The following RNF38 variants were observed in gnomAD, a reference collection of about 807,000 sequenced individuals.
The protein encoded by RNF38 is E3 ubiquitin-protein ligase RNF38.
RNF38 carries 15 observed loss-of-function variants against 67.2 expected under a neutral mutation model. The ratio of observed to expected loss-of-function variants is 0.22; its 90% CI spans 0.15 to 0.34. The LOEUF is 0.34. RNF38 is among the 10% of genes least tolerant of loss of function. The pLI is 1.00. For synonymous variants in RNF38, 220 were observed against 218.8 expected (o/e 1.01, Z -0.05); for missense variants, 524 against 639.9 (o/e 0.82, Z 1.95).
intron 1 of RNF38, among the ~76,000 whole-genome samples, chr9:36,458,778 A>T (rs1839653909): frequency 6.6e-6 from 1 of 152,206 alleles, no homozygotes; most frequent in Admixed American, 6.5e-5. Flanking sequence ...GAAGGAATAA[A>T]TTCCAGACAC....
At chr9:36,407,490 G>C (rs1838210878) in intron 2 of RNF38, among the ~76,000 whole-genome samples, 1 of 152,210 alleles carries the variant, frequency 6.6e-6, no homozygotes, top group South Asian at 2.1e-4. Context: ...GCCTAGGACA[G>C]CCAAGTCAGA....
intron 1 of RNF38, among the ~76,000 whole-genome samples, chr9:36,446,560 A>G (rs565734528): frequency 1.3e-5 from 2 of 152,184 alleles, no homozygotes; most frequent in East Asian, 1.9e-4. Flanking sequence ...TAATCCCAAC[A>G]CTTTGGGAAG....
intron 9 of RNF38, among the ~76,000 whole-genome samples, chr9:36,345,832 G>C (rs1007479601): frequency 1.3e-5 from 2 of 152,168 alleles, no homozygotes; most frequent in African/African-American, 4.8e-5. Flanking sequence ...CCAGGTTAAT[G>C]AGCTGTAGAA....
intron 1 of RNF38, among the ~76,000 whole-genome samples, chr9:36,457,946 G>C (rs1317121020): frequency 1.3e-5 from 2 of 152,194 alleles, no homozygotes; most frequent in Non-Finnish European, 2.9e-5. Flanking sequence ...GTTAGGTTGA[G>C]AAGAGCCCTA....
At chr9:36,417,463 A>G (rs891573442) in intron 2 of RNF38, among the ~76,000 whole-genome samples, 33 of 152,284 alleles carry the variant, frequency 2.2e-4, no homozygotes, top group Middle Eastern at 3.4e-3. Flanking sequence ...TATTTGAACT[A>G]TTTACCTAAA....
At chr9:36,339,913 C>G (rs1350355729) in intron 11 of RNF38, 99 bp from the exon 12 acceptor site, 9 of 1,055,126 alleles carry the variant, frequency 8.5e-6, no homozygotes, top group Non-Finnish European at 1.3e-5. Context: ...TTTTTACATT[C>G]TTTCTTCCTC....
chr9:36,430,860 T>A (rs111465827), intron 1 of RNF38, among the ~76,000 whole-genome samples: 19 of 150,142 alleles, frequency 1.3e-4, no homozygotes, highest in African/African-American at 4.5e-4. Flanking sequence ...AAAAAAAAAA[T>A]CAACATGGCT....
At chr9:36,376,751 T>TC (rs1835816186) in intron 2 of RNF38, among the ~76,000 whole-genome samples, 1 of 151,492 alleles carries the variant, frequency 6.6e-6, no homozygotes, top group South Asian at 2.1e-4. Flanking sequence ...CATGGTGAAA[T>TC]CCCGTCTCTA....
chr9:36,389,663 T>C (rs1836920841), intron 2 of RNF38, among the ~76,000 whole-genome samples: 1 of 152,224 alleles, frequency 6.6e-6, no homozygotes, highest in Admixed American at 6.5e-5. Flanking sequence ...CCAAATTTTT[T>C]ATCTCCAACT....
chr9:36,465,033 T>C (rs1450160138), intron 1 of RNF38, among the ~76,000 whole-genome samples: 2 of 152,104 alleles, frequency 1.3e-5, no homozygotes, highest in Non-Finnish European at 2.9e-5. Flanking sequence ...ATGGGGGGAA[T>C]GCAAATCAAA....
chr9:36,452,216 C>G (rs1839468230), intron 1 of RNF38, among the ~76,000 whole-genome samples: 1 of 152,122 alleles, frequency 6.6e-6, no homozygotes, highest in Admixed American at 6.5e-5. Flanking sequence ...ACAGACTGAG[C>G]TGATGTCTTT....
chr9:36,348,533 T>TA (rs1233309312), intron 9 of RNF38, among the ~76,000 whole-genome samples: 1 of 151,956 alleles, frequency 6.6e-6, no homozygotes, highest in African/African-American at 2.4e-5. Context: ...AACGCACGAA[T>TA]AAGAAAGCAA....
chr9:36,351,287 G>C (rs1264535424), intron 8 of RNF38, 88 bp from the exon 9 acceptor site: 2 of 815,276 alleles, frequency 2.5e-6, no homozygotes, highest in Non-Finnish European at 3.9e-6. Flanking sequence ...AGTGCTATAA[G>C]GATGAAGAAT....
chr9:36,352,639 A>ATAACTAACACACCAAAAGC (rs1833783525), intron 8 of RNF38, 103 bp downstream of exon 8: 4 of 901,208 alleles, frequency 4.4e-6, no homozygotes, highest in Admixed American at 4.0e-5. Context: ...GTAAAGACAA[A>ATAACTAACACACCAAAAGC]TAACTAACAC....
At chr9:36,432,013 G>C (rs1587126719) in intron 1 of RNF38, among the ~76,000 whole-genome samples, 1 of 152,190 alleles carries the variant, frequency 6.6e-6, no homozygotes, top group Admixed American at 6.5e-5. Flanking sequence ...TAGGGATGAA[G>C]AACAAATATG....
intron 1 of RNF38, among the ~76,000 whole-genome samples, chr9:36,399,440 G>A (rs1837813604): frequency 6.7e-6 from 1 of 148,494 alleles, no homozygotes; most frequent in East Asian, 1.9e-4. Context: ...AATGAACAAT[G>A]TATGATTAGC....
intron 1 of RNF38, among the ~76,000 whole-genome samples, chr9:36,467,992 C>T (rs1839904452): frequency 1.3e-5 from 2 of 152,136 alleles, no homozygotes; most frequent in South Asian, 4.1e-4. Flanking sequence ...CCTGTAATCC[C>T]AGCACTTTGG....
rs200384701 is a variant in RNF38 at position 36,337,619 on chromosome 9, A to G, written c.*2133T>C. 6.5e-5 allele frequency: 10 copies of G among 152,676 alleles called. No homozygotes were observed. The highest frequency in any genetic ancestry group is 3.9e-4 in the East Asian group (2 of 5,190). The allele number at this position is 152,676 out of a possible 1,614,324, so 9.5% of individuals were successfully genotyped here. On this transcript the variant is annotated 3_prime_UTR_variant, in exon 12 of 12. Coordinates refer to ENST00000259605, the MANE Select transcript of RNF38 (RefSeq NM_022781.5). Reference sequence around the variant, plus strand: ...ATTTTTTGCAGCTATATAAAAGTGTATAAGATGGGCTTTTGCCATTTTAAA... The same window carrying G: ...ATTTTTTGCAGCTATATAAAAGTGTGTAAGATGGGCTTTTGCCATTTTAAA...
chr9:36,441,375 A>G (rs1029375243), intron 1 of RNF38, among the ~76,000 whole-genome samples: 4 of 150,096 alleles, frequency 2.7e-5, no homozygotes, highest in Non-Finnish European at 5.9e-5. Flanking sequence ...CACCCAGGCT[A>G]GAGTGCAATG....
Sources: gnomAD v4.1 joint callset for allele counts (sites outside exome capture counted in the v4.1 genomes callset) on GRCh38, gnomAD v4.1.1 for gene constraint, MANE v1.5 for transcripts, NCBI Gene and HGNC (gene_info 2026-07-23, HGNC 2026-07-21) for gene names.